Variants in POGK observed in about 807,000 individuals in gnomAD.
POGK encodes pogo transposable element with KRAB domain.
Under a neutral mutation model 54.4 loss-of-function variants are expected in POGK, and 16 were observed. The ratio of observed to expected loss-of-function variants is 0.29; its 90% CI spans 0.20 to 0.45. The LOEUF (loss-of-function observed/expected upper bound fraction) is 0.45. Ranked by LOEUF, POGK falls within the 20% of genes least tolerant of loss-of-function variation. The pLI, the probability that POGK is intolerant of heterozygous loss-of-function variation, is 1.00. For synonymous variants in POGK, 271 were observed against 302.2 expected (o/e 0.90, Z 1.07); for missense variants, 515 against 795.6 (o/e 0.65, Z 4.24).
At chr1:166,840,214 G>A (rs1039648757) in intron 1 of POGK, 1 of 152,300 alleles carries the variant, frequency 6.6e-6, no homozygotes, top group Non-Finnish European at 1.5e-5. Context: ...GAGGGCAGGA[G>A]TGCGGCCCTT....
At chr1:166,847,057 G>A (rs551125383) in intron 3 of POGK, among the ~76,000 whole-genome samples, 2 of 152,290 alleles carry the variant, frequency 1.3e-5, no homozygotes, top group South Asian at 2.1e-4. Context: ...GAAGGCAGGC[G>A]TTAATGTTAC....
intron 2 of POGK, among the ~76,000 whole-genome samples, chr1:166,842,965 AT>A (rs1657577255): frequency 6.6e-6 from 1 of 152,188 alleles, no homozygotes; most frequent in Non-Finnish European, 1.5e-5. Context: ...TAAAATATGT[AT>A]TTTGGTTATA....
chr1:166,844,991 G>A (rs182755138), intron 2 of POGK, among the ~76,000 whole-genome samples: 1 of 152,250 alleles, frequency 6.6e-6, no homozygotes, highest in Admixed American at 6.5e-5. Context: ...GTGTGGGGGC[G>A]TTGGGGAATG....
In POGK at chr1:166,840,940, G is replaced by T; in HGVS notation, c.-2-15G>T. The T allele has an allele frequency of 1.2e-6, 2 of 1,613,566 alleles. No homozygotes were observed. The stretch of plus-strand genomic sequence containing the variant: ...AGTGACACCTGGTTTTTCTGAACCT[G>T]AATCTTGCTTGCAGAGATGGAGTCC... On this transcript the variant is annotated splice_polypyrimidine_tract_variant and intron_variant, in intron 1 of 5. Coordinates refer to ENST00000367876, the MANE Select transcript of POGK (RefSeq NM_017542.5).
intron 1 of POGK, chr1:166,840,467 A>G (rs769554213): frequency 1.3e-5 from 2 of 153,358 alleles, no homozygotes; most frequent in Non-Finnish European, 1.5e-5. Flanking sequence ...TACTGAGCCA[A>G]CCGCTCCGCC....
In POGK at chr1:166,850,062, A is replaced by G. The variant is rs1320635379; in HGVS notation, c.1483A>G (p.Ile495Val). ...MESMNTDMVI[I>V]PGGLTSQLQV... ...AAGCATGAACACTGACATGGTGATC[A>G]TCCCAGGGGGTCTGACCTCACAGCT... Residue 495 changes from isoleucine (I) to valine (V), a missense_variant, in exon 5 of 6, where the codon ATC (isoleucine) becomes GTC (valine). Ile to Val is a conservative substitution (Grantham distance 29). Around this residue, in one of 2 missense-constraint regions of POGK, gnomAD observed 461 missense variants for 743.5 expected, o/e 0.62. Coordinates refer to ENST00000367876, the MANE Select transcript of POGK (RefSeq NM_017542.5). 2 of 1,614,218 alleles carry G rather than the reference A, an allele frequency of 1.2e-6. No individual in the cohort carries two copies. Among genetic ancestry groups the G allele is most frequent in the Non-Finnish European group, 1.7e-6 (2 of 1,180,032 alleles).
intron 5 of POGK, 96 bp downstream of exon 5, chr1:166,850,519 T>C: frequency 7.3e-7 from 1 of 1,372,118 alleles, no homozygotes; most frequent in Non-Finnish European, 9.7e-7. Flanking sequence ...TAAGTTCCCT[T>C]AGAGCCTACA....
At chr1:166,843,757 T>C (rs1415983464) in intron 2 of POGK, among the ~76,000 whole-genome samples, 2 of 152,120 alleles carry the variant, frequency 1.3e-5, no homozygotes, top group African/African-American at 2.4e-5. Context: ...CCCTTTGAGA[T>C]AGCATTGGAA....
chr1:166,844,823 C>G (rs1657770079), intron 2 of POGK, among the ~76,000 whole-genome samples: 1 of 152,034 alleles, frequency 6.6e-6, no homozygotes, highest in Admixed American at 6.6e-5. Flanking sequence ...AGTGTGGAGC[C>G]CAGGACATTT....
rs1190377347 is a variant in POGK at position 166,854,883 on chromosome 1, AGT to A, written c.*2316_*2317del. On this transcript the variant is annotated 3_prime_UTR_variant, in exon 6 of 6. Transcript: ENST00000367876. The stretch of plus-strand genomic sequence containing the variant: ...GTTGATTCTCCAGGAATAATCTGGC[AGT>A]GTTATTTTTCCTTTTCAACCCATCA... 8 of 151,124 alleles carry A rather than the reference AGT, an allele frequency of 5.3e-5. No homozygotes were observed. The highest frequency in any genetic ancestry group is 1.3e-4 in the Admixed American group (2 of 15,256). The allele number at this position is 151,124 out of a possible 1,614,324, so 9.4% of individuals were successfully genotyped here. A position where few individuals can be genotyped will look rare whatever the true frequency, so the allele number is the denominator to read the frequency against.
intron 3 of POGK, 117 bp downstream of exon 3, chr1:166,846,855 C>CA: frequency 7.4e-7 from 1 of 1,355,166 alleles, no homozygotes; most frequent in Non-Finnish European, 1.0e-6. Flanking sequence ...TCTGCCTCCT[C>CA]AATGTCTGTG....
Position 166,850,184 on chromosome 1 carries a change from A to G in POGK, c.1605A>G (p.Pro535=), listed in dbSNP as rs565152991. ...WLLAGNLALS[P]TGNAKKPPLG... is the part of the protein sequence containing the mutation. ...TGGCTGGGAACCTGGCGCTGAGCCC[A>G]ACCGGGAATGCTAAGAAGCCACCCC... The change falls in exon 5 of 6, where the codon CCA becomes CCG. Residue 535 remains proline, a synonymous_variant. Coordinates refer to ENST00000367876, the MANE Select transcript of POGK (RefSeq NM_017542.5). 5.8e-6 allele frequency: 9 copies of G among 1,556,992 alleles called. No individual in the cohort carries two copies. The East Asian group carries it at 1.5e-4, about 25-fold the overall frequency.
intron 1 of POGK, chr1:166,840,547 T>C (rs543715124): frequency 6.3e-6 from 1 of 159,626 alleles, no homozygotes; most frequent in Admixed American, 6.2e-5. Context: ...ACACCTTCAC[T>C]GATAGGAAAT....
rs149459152 is a variant in POGK at position 166,853,450 on chromosome 1, T to C, written c.*880T>C. 2.6e-5 allele frequency: 4 copies of C among 152,790 alleles called. No individual in the cohort carries two copies. In the East Asian group the frequency reaches 7.7e-4, roughly 29 times the overall value. The allele number at this position is 152,790 out of a possible 1,614,324, so 9.5% of individuals were successfully genotyped here. ...GTACAAGGCCCATTGACTCATCTGATGCTTGTTTTGTTAATTTCTTTAATA... is the reference window on the plus strand; with the variant it reads ...GTACAAGGCCCATTGACTCATCTGACGCTTGTTTTGTTAATTTCTTTAATA... On this transcript the variant is annotated 3_prime_UTR_variant, in exon 6 of 6. Transcript: ENST00000367876.
Position 166,849,890 on chromosome 1 carries a change from G to A in POGK, c.1311G>A (p.Arg437=), listed in dbSNP as rs1244022174. 4.3e-6 allele frequency: 7 copies of A among 1,614,264 alleles called. No homozygotes were observed. Among genetic ancestry groups the A allele is most frequent in the South Asian group, 1.1e-5 (1 of 91,088 alleles). ...FPSGMEIRCH[R]YGWMTEDLMQ... is the part of the protein sequence containing the mutation. ...GTGGGATGGAAATTCGCTGCCACCGGTATGGGTGGATGACTGAAGACTTGA... is the reference window on the plus strand; with the variant it reads ...GTGGGATGGAAATTCGCTGCCACCGATATGGGTGGATGACTGAAGACTTGA... Residue 437 remains arginine (R), a synonymous_variant, in exon 5 of 6, where the codon CGG becomes CGA. Transcript: ENST00000367876.
intron 5 of POGK, 179 bp downstream of exon 5, chr1:166,850,602 T>C: frequency 1.6e-6 from 1 of 624,216 alleles, no homozygotes; most frequent in Admixed American, 3.4e-5. Context: ...TGTCAGGAAC[T>C]GGGCTGCACA....
rs1288309359 is a variant in POGK, at chr1:166,850,258, G to A, written c.1679G>A (p.Ser560Asn). 4.5e-6 allele frequency: 7 copies of A among 1,567,022 alleles called. No individual in the cohort carries two copies. The change falls in exon 5 of 6, where the codon AGT becomes AAT. Residue 560 changes from serine to asparagine, a missense_variant. Coordinates refer to ENST00000367876, the MANE Select transcript of POGK (RefSeq NM_017542.5). ...WVMVAWNSISSESIVQGFKKC... is the reference protein window; with the variant it reads ...WVMVAWNSISNESIVQGFKKC... ...ATGGTCGCGTGGAATAGCATCTCAA[G>A]TGAGTCCATCGTCCAAGGGTTCAAG...
At chr1:166,851,679 C>A (rs1420023664) in intron 5 of POGK, 1 of 152,174 alleles carries the variant, frequency 6.6e-6, no homozygotes, top group African/African-American at 2.4e-5. Context: ...AAAGAACAAA[C>A]AATTCATTTA....
chr1:166,847,395 G>A (rs1173542556), intron 3 of POGK, 99 bp from the exon 4 acceptor site: 10 of 869,310 alleles, frequency 1.2e-5, no homozygotes, highest in Non-Finnish European at 1.8e-5. Context: ...TTTTCACAAA[G>A]AAGGGGAGAG....
Sources: gnomAD v4.1 joint callset for allele counts (sites outside exome capture counted in the v4.1 genomes callset) on GRCh38, gnomAD v4.1.1 for gene constraint, gnomAD v4.1.1 regional missense constraint, MANE v1.5 for transcripts, NCBI Gene and HGNC (gene_info 2026-07-23, HGNC 2026-07-21) for gene names.